PAPPA2: variants seen among roughly 807,000 people sequenced by gnomAD.
PAPPA2 encodes the protein pappalysin 2.
PAPPA2 carries 86 observed loss-of-function variants against 176.4 expected under a neutral mutation model. The observed-to-expected ratio is 0.49, with a 90% confidence interval of 0.41 to 0.58. The LOEUF (loss-of-function observed/expected upper bound fraction) is 0.58, where lower values mean the gene tolerates loss of function less well. PAPPA2 is among the 20% of genes least tolerant of loss of function. The pLI, the probability that PAPPA2 is intolerant of heterozygous loss-of-function variation, is 0.00. For missense variants in PAPPA2, 2,073 were observed against 2,256.9 expected (o/e 0.92, Z 1.65); for synonymous variants, 809 against 852.2 (o/e 0.95, Z 0.88).
chr1:176,689,372 G>A (rs1212075015), intron 4 of PAPPA2, among the ~76,000 whole-genome samples: 1 of 152,118 alleles, frequency 6.6e-6, no homozygotes, highest in African/African-American at 2.4e-5. Context: ...ACCTCCCTTT[G>A]TGTTCTCATG....
chr1:176,637,861 G>A (rs1270033339), intron 3 of PAPPA2, among the ~76,000 whole-genome samples: 2 of 151,592 alleles, frequency 1.3e-5, no homozygotes, highest in South Asian at 2.1e-4. Context: ...TCACCTTTTT[G>A]TAAAACTCAT....
chr1:176,678,323 A>G (rs1385720156), intron 4 of PAPPA2, among the ~76,000 whole-genome samples: 1 of 152,180 alleles, frequency 6.6e-6, no homozygotes, highest in African/African-American at 2.4e-5. Flanking sequence ...ATTTTAAACT[A>G]CTATCATTTA....
chr1:176,758,234 T>C (rs1052390099), intron 14 of PAPPA2, among the ~76,000 whole-genome samples: 3 of 152,228 alleles, frequency 2.0e-5, no homozygotes, highest in African/African-American at 7.2e-5. Flanking sequence ...AGTAGGGTTC[T>C]CAACACCTCA....
In PAPPA2 at chr1:176,610,350, G is replaced by A. The variant is rs1025038359; in HGVS notation, c.1991+14755G>A. Among the ~76,000 whole-genome samples, 42 of 150,754 alleles carry A rather than the reference G, an allele frequency of 2.8e-4. No homozygotes were observed. In the East Asian group the frequency reaches 4.2e-3, roughly 15 times the overall value. The stretch of plus-strand genomic sequence containing the variant: ...AATGCTGCAAAGTTGTGTGTGGGGG[G>A]GGGGAGTAGGATTTATAGGAATGAA... On this transcript the variant is annotated intron_variant, in intron 3 of 22. Coordinates refer to ENST00000367662, the MANE Select transcript of PAPPA2 (RefSeq NM_020318.3).
intron 21 of PAPPA2, among the ~76,000 whole-genome samples, chr1:176,816,222 AATTT>A (rs1666390144): frequency 1.3e-5 from 1 of 77,654 alleles, no homozygotes; most frequent in Admixed American, 1.3e-4. Context: ...ACATATATAA[AATTT>A]ATGTGTGTGT....
At chr1:176,760,071 C>G (rs1165588019) in intron 14 of PAPPA2, among the ~76,000 whole-genome samples, 1 of 152,124 alleles carries the variant, frequency 6.6e-6, no homozygotes, top group Admixed American at 6.5e-5. Context: ...TTCCTTTGTT[C>G]TGTCTGTAAA....
intron 12 of PAPPA2, among the ~76,000 whole-genome samples, chr1:176,735,738 A>G (rs1199496709): frequency 1.5e-5 from 2 of 129,654 alleles, no homozygotes; most frequent in Non-Finnish European, 3.3e-5. Flanking sequence ...CTATCTATCT[A>G]TCATCTATCT....
At chr1:176,806,438 C>A (rs909383627) in intron 21 of PAPPA2, among the ~76,000 whole-genome samples, 1 of 152,096 alleles carries the variant, frequency 6.6e-6, no homozygotes, top group African/African-American at 2.4e-5. Context: ...AAGACTGAAT[C>A]AGTTTTCTGT....
intron 21 of PAPPA2, among the ~76,000 whole-genome samples, chr1:176,801,514 A>G (rs1180906377): frequency 2.6e-5 from 4 of 152,154 alleles, no homozygotes; most frequent in Non-Finnish European, 5.9e-5. Flanking sequence ...AAATGCTAGC[A>G]TGGAGTGTGC....
At chr1:176,627,186 G>C (rs956632044) in intron 3 of PAPPA2, among the ~76,000 whole-genome samples, 3 of 152,120 alleles carry the variant, frequency 2.0e-5, no homozygotes, top group Admixed American at 6.5e-5. Flanking sequence ...AATTACTCAA[G>C]TGATTTTAGC....
At chr1:176,519,133 C>A (rs1342791719) in intron 1 of PAPPA2, among the ~76,000 whole-genome samples, 2 of 152,150 alleles carry the variant, frequency 1.3e-5, no homozygotes, top group Non-Finnish European at 2.9e-5. Flanking sequence ...GGCCTCAATA[C>A]CTTCCATGTG....
intron 21 of PAPPA2, among the ~76,000 whole-genome samples, chr1:176,826,419 C>T (rs1218519564): frequency 1.3e-5 from 2 of 152,170 alleles, no homozygotes; most frequent in African/African-American, 4.8e-5. Flanking sequence ...GGATTAGATA[C>T]ACAGACAAGC....
intron 3 of PAPPA2, among the ~76,000 whole-genome samples, chr1:176,655,710 A>G (rs1255113491): frequency 6.6e-6 from 1 of 151,864 alleles, no homozygotes; most frequent in Non-Finnish European, 1.5e-5. Flanking sequence ...CGGGTGGATG[A>G]TAAGAAATTA....
At chr1:176,530,015 A>T (rs192864711) in intron 1 of PAPPA2, among the ~76,000 whole-genome samples, 105 of 152,296 alleles carry the variant, frequency 6.9e-4, no homozygotes, top group East Asian at 1.7e-3. Context: ...CAACAACATT[A>T]CTTCACACAC....
At chr1:176,638,798 C>G (rs1656882220) in intron 3 of PAPPA2, among the ~76,000 whole-genome samples, 2 of 151,820 alleles carry the variant, frequency 1.3e-5, no homozygotes, top group Non-Finnish European at 2.9e-5. Flanking sequence ...TTATATAGAC[C>G]TTTTTATATC....
intron 1 of PAPPA2, among the ~76,000 whole-genome samples, chr1:176,477,088 C>T (rs141471675): frequency 2.4e-4 from 37 of 152,294 alleles, no homozygotes; most frequent in African/African-American, 8.9e-4. Context: ...CTTTCAATCT[C>T]ATCTAACTGC....
chr1:176,616,392 A>T, intron 3 of PAPPA2: 1 of 602,526 alleles, frequency 1.7e-6, no homozygotes, highest in Admixed American at 2.0e-5. Flanking sequence ...CTTTTGTCCT[A>T]TGAATTGTAC....
At chr1:176,689,950 G>T (rs567556041) in intron 4 of PAPPA2, among the ~76,000 whole-genome samples, 187 bp from the exon 5 acceptor site, 1 of 152,288 alleles carries the variant, frequency 6.6e-6, no homozygotes, top group East Asian at 1.9e-4. Context: ...ATAAAGAAAT[G>T]TGTATTAATT....
chr1:176,512,161 C>T (rs191597693), intron 1 of PAPPA2, among the ~76,000 whole-genome samples: 21 of 141,648 alleles, frequency 1.5e-4, no homozygotes, highest in South Asian at 4.5e-4. Flanking sequence ...AATTATTCAT[C>T]GGGAAAAGCA....
Sources: allele counts gnomAD v4.1 joint callset (sites outside exome capture counted in the v4.1 genomes callset), GRCh38; gene constraint gnomAD v4.1.1; transcripts MANE v1.5; gene names NCBI Gene and HGNC (gene_info 2026-07-23, HGNC 2026-07-21).